STEAP2: variants seen among roughly 807,000 people sequenced by gnomAD.
The protein encoded by STEAP2 is metalloreductase STEAP2.
In STEAP2, 30 loss-of-function variants were observed where a neutral mutation model predicts 46.4. The observed-to-expected ratio is 0.65, with a 90% CI of 0.48 to 0.88. STEAP2 has a LOEUF of 0.88. Among genes scored for constraint, STEAP2 ranks in the 40% least tolerant of loss-of-function variants. STEAP2 has a pLI of 0.00. For missense variants in STEAP2, 513 were observed against 579.3 expected, an observed-to-expected ratio of 0.89 and a Z score of 1.18; for synonymous variants, 180 against 200.5, an observed-to-expected ratio of 0.90 and a Z score of 0.86.
At chr7:90,228,971 T>C (rs1795621305) in intron 4 of STEAP2, among the ~76,000 whole-genome samples, 1 of 152,206 alleles carries the variant, frequency 6.6e-6, no homozygotes, top group Admixed American at 6.5e-5. Context: ...TTTTCGTTGT[T>C]AAATTTCAAG....
intron 3 of STEAP2, among the ~76,000 whole-genome samples, chr7:90,226,461 T>A (rs17867593): frequency 1.3e-5 from 2 of 152,304 alleles, no homozygotes; most frequent in East Asian, 3.9e-4. Flanking sequence ...CTTATTTGTG[T>A]TATAAAAGGA....
In STEAP2 at chr7:90,235,148, C is replaced by T. The variant is rs10441273; in HGVS notation, c.*2524C>T. Reference sequence around the variant, plus strand: ...TTGTTGCATGTATATATTAAGTAGCCGATACTCTAAATAAAAATACCACTG... The same window carrying T: ...TTGTTGCATGTATATATTAAGTAGCTGATACTCTAAATAAAAATACCACTG... On this transcript the variant is annotated 3_prime_UTR_variant, in exon 6 of 6. Transcript: ENST00000394621. 2.8e-3 allele frequency: 2,641 copies of T among 952,490 alleles called. 68 individuals carry two copies. In the African/African-American group the frequency reaches 0.041, roughly 15 times the overall value. The allele number at this position is 952,490 out of a possible 1,614,324, so 59.0% of individuals were successfully genotyped here.
At chr7:90,240,359 C>G (rs1364503261), downstream of STEAP2, among the ~76,000 whole-genome samples, 1 of 151,994 alleles carries the variant, frequency 6.6e-6, no homozygotes, top group East Asian at 1.9e-4. The surrounding 1 kb of genome is among the most constrained non-coding windows in gnomAD (Gnocchi z 4.1). Context: ...TAAAGCTAAC[C>G]TACTAAAAAC....
chr7:90,238,176 TGAG>T (rs1401143925), downstream of STEAP2: 1 of 717,156 alleles, frequency 1.4e-6, no homozygotes, highest in Non-Finnish European at 2.6e-6. Context: ...TGCTATATGT[TGAG>T]GAGTCCTGTA....
In STEAP2 at chr7:90,235,767, A is replaced by T. The variant is rs1363394859; in HGVS notation, c.*3143A>T. On this transcript the variant is annotated 3_prime_UTR_variant, in exon 6 of 6. Transcript: ENST00000394621. ...ATATGAATCTATTCATGCTAACATT[A>T]TTTTTCAAAACATACATGGAAATTT... 1.3e-6 allele frequency: 1 copy of T among 799,280 alleles called. No individual in the cohort carries two copies. 49.5% of individuals were successfully genotyped at this position (799,280 alleles called of 1,614,324 possible).
intron 1 of STEAP2, among the ~76,000 whole-genome samples, chr7:90,214,327 C>A (rs371889171): frequency 6.6e-6 from 1 of 151,854 alleles, no homozygotes; most frequent in Non-Finnish European, 1.5e-5. Context: ...CATTTCCAGG[C>A]GAATGGGACC....
chr7:90,216,320 G>A (rs1283482197), intron 1 of STEAP2, 171 bp from the exon 2 acceptor site: 1 of 152,186 alleles, frequency 6.6e-6, no homozygotes. Flanking sequence ...GGTCTGCTCA[G>A]GTCAGCAGGA....
chr7:90,230,138 G>A lies in STEAP2; in HGVS notation c.1185+102G>A, dbSNP rs964672262. ...TTCCTTATTAAAAGGGTGCCTTTGA[G>A]GCTGTATTTATGCATCTAGATACAT... On this transcript the variant is annotated intron_variant, in intron 5 of 5. Coordinates refer to ENST00000394621, the MANE Select transcript of STEAP2 (RefSeq NM_001244944.2). 4 of 1,532,730 alleles carry A rather than the reference G, an allele frequency of 2.6e-6. No homozygotes were observed. In the African/African-American group the frequency reaches 4.2e-5, roughly 16 times the overall value. The allele number at this position is 1,532,730 out of a possible 1,614,324, so 94.9% of individuals were successfully genotyped here. A position where few individuals can be genotyped will look rare whatever the true frequency, so the allele number is the denominator to read the frequency against.
intron 1 of STEAP2, among the ~76,000 whole-genome samples, chr7:90,214,231 ATG>A (rs1407463958): frequency 1.3e-5 from 2 of 152,246 alleles, no homozygotes; most frequent in South Asian, 2.1e-4. Context: ...GCAGGATTTT[ATG>A]TCAAAAGTGA....
At chr7:90,212,539 C>T (rs1205015654) in intron 1 of STEAP2, among the ~76,000 whole-genome samples, 1 of 152,172 alleles carries the variant, frequency 6.6e-6, no homozygotes, top group Non-Finnish European at 1.5e-5. Flanking sequence ...AAGTAATTGG[C>T]CTCTTCTTTG....
Position 90,237,135 on chromosome 7 carries a change from C to T in STEAP2, c.*4511C>T. ...ATAACAGGAGCCCTGGCAGCTGTCT[C>T]CAGAGGATCAAAGCCACACCCAAAG... On this transcript the variant is annotated 3_prime_UTR_variant, in exon 6 of 6. Coordinates refer to ENST00000394621, the MANE Select transcript of STEAP2 (RefSeq NM_001244944.2). 1 of 595,868 alleles carries T rather than the reference C, an allele frequency of 1.7e-6. No homozygotes were observed. Among genetic ancestry groups the T allele is most frequent in the Non-Finnish European group, 2.8e-6 (1 of 357,676 alleles). 36.9% of individuals were successfully genotyped at this position (595,868 alleles called of 1,614,324 possible).
rs194525 is a variant in STEAP2, at chr7:90,232,576, G to T, written c.1425G>T (p.Met475Ile). 1,397,450 of 1,612,316 alleles carry T rather than the reference G, an allele frequency of 0.87. 607,120 individuals are homozygous for T. Among genetic ancestry groups the T allele is most frequent in the East Asian group, 1 (44,849 of 44,868 alleles). Reference protein sequence around the residue: ...WEKSQFLEEGMGGTIPHVSPE... With the variant: ...WEKSQFLEEGIGGTIPHVSPE... ...AGAGCCAATTTCTGGAAGAAGGTAT[G>T]GGAGGAACAATTCCTCATGTCTCCC... Residue 475 changes from methionine to isoleucine, a missense_variant, in exon 6 of 6, where the codon ATG becomes ATT. By Grantham distance (10) the Met-to-Ile change is conservative (BLOSUM62 1). Coordinates refer to ENST00000394621, the MANE Select transcript of STEAP2 (RefSeq NM_001244944.2).
chr7:90,217,569 T>C (rs1417228242), intron 2 of STEAP2, among the ~76,000 whole-genome samples: 1 of 152,146 alleles, frequency 6.6e-6, no homozygotes, highest in Non-Finnish European at 1.5e-5. Context: ...CTCCTATCCA[T>C]GTTGCTGCAA....
chr7:90,240,745 C>G (rs1796050559), downstream of STEAP2, among the ~76,000 whole-genome samples: 1 of 152,186 alleles, frequency 6.6e-6, no homozygotes, highest in Admixed American at 6.5e-5. This position sits in a 1 kb window ranked among gnomAD's most constrained non-coding sequence, Gnocchi z 4.1. Context: ...TTTAAGTCTA[C>G]AGGTGCTACT....
intron 1 of STEAP2, 172 bp from the exon 2 acceptor site, chr7:90,216,319 A>C (rs1166396508): frequency 6.6e-6 from 1 of 152,210 alleles, no homozygotes; most frequent in East Asian, 1.9e-4. Context: ...TGGTCTGCTC[A>C]GGTCAGCAGG....
Position 90,232,377 on chromosome 7 carries a change from A to G in STEAP2, c.1226A>G (p.His409Arg). The G allele has an allele frequency of 1.9e-6, 3 of 1,613,058 alleles. No individual in the cohort carries two copies. The highest frequency in any genetic ancestry group is 2.5e-6 in the Non-Finnish European group (3 of 1,179,446). Residue 409 changes from histidine to arginine, a missense_variant, in exon 6 of 6, where the codon CAT becomes CGT. Physicochemically the swap from His to Arg is conservative, Grantham distance 29 (BLOSUM62 0). Coordinates refer to ENST00000394621, the MANE Select transcript of STEAP2 (RefSeq NM_001244944.2). ...GTCGCTCTGCTCATAAGTACTTTCC[A>G]TGTTTTAATTTATGGATGGAAACGA... Reference protein sequence around the residue: ...GYVALLISTFHVLIYGWKRAF... With the variant: ...GYVALLISTFRVLIYGWKRAF...
Position 90,232,802 on chromosome 7 carries a change from T to G in STEAP2, c.*178T>G. The G allele has an allele frequency of 7.6e-7, 1 of 1,310,104 alleles. No homozygotes were observed. Among genetic ancestry groups the G allele is most frequent in the Non-Finnish European group, 9.7e-7 (1 of 1,029,714 alleles). 81.2% of individuals were successfully genotyped at this position (1,310,104 alleles called of 1,614,324 possible). A position where few individuals can be genotyped will look rare whatever the true frequency, so the allele number is the denominator to read the frequency against. ...AGTTAATTTTCACAAATGTCATGTTTGCCAATATGAATTTTTCTAGTCAAC... is the reference window on the plus strand; with the variant it reads ...AGTTAATTTTCACAAATGTCATGTTGGCCAATATGAATTTTTCTAGTCAAC... On this transcript the variant is annotated 3_prime_UTR_variant, in exon 6 of 6. Coordinates refer to ENST00000394621, the MANE Select transcript of STEAP2 (RefSeq NM_001244944.2).
At chr7:90,240,937 T>A (rs1405300257), downstream of STEAP2, among the ~76,000 whole-genome samples, 1 of 152,186 alleles carries the variant, frequency 6.6e-6, no homozygotes, top group Non-Finnish European at 1.5e-5. This position sits in a 1 kb window ranked among gnomAD's most constrained non-coding sequence, Gnocchi z 4.1. Flanking sequence ...TGTTTTTGTG[T>A]CATAACAGAA....
rs145139034 is a variant in STEAP2, at chr7:90,232,508, T to C, written c.1357T>C (p.Cys453Arg). The change falls in exon 6 of 6, where the codon TGT becomes CGT. Residue 453 changes from cysteine to arginine, a missense_variant. By Grantham distance (180) the Cys-to-Arg change is radical (BLOSUM62 -3). Transcript: ENST00000394621. ...GGGTAAGATTATTTTATTCCTTCCA[T>C]GTATAAGCCGAAAGCTAAAACGAAT... ...ILGKIILFLP[C>R]ISRKLKRIKK... 137 of 1,613,694 alleles carry C rather than the reference T, an allele frequency of 8.5e-5. No individual in the cohort carries two copies. The highest frequency in any genetic ancestry group is 1.1e-4 in the Non-Finnish European group (133 of 1,179,796).
Sources: allele counts gnomAD v4.1 joint callset (sites outside exome capture counted in the v4.1 genomes callset), GRCh38; gene constraint gnomAD v4.1.1; non-coding constraint Gnocchi (gnomAD v3.1); transcripts MANE v1.5; gene names NCBI Gene and HGNC (gene_info 2026-07-23, HGNC 2026-07-21).